The following TFEC variants were observed in gnomAD, a reference collection of about 807,000 sequenced individuals.
TFEC encodes the protein transcription factor EC, also known as class E basic helix-loop-helix protein 34.
A neutral mutation model predicts 41.6 loss-of-function variants in TFEC; 31 were observed. The ratio of observed to expected loss-of-function variants is 0.74; its 90% confidence interval spans 0.56 to 1.01. The LOEUF is 1.01. Ranked by LOEUF, TFEC falls within the 50% of genes least tolerant of loss-of-function variation. The pLI is 0.00. For missense variants in TFEC, 402 were observed against 404.1 expected (o/e 0.99, Z 0.04); for synonymous variants, 143 against 140.6 (o/e 1.02, Z -0.12).
intron 1 of TFEC, among the ~76,000 whole-genome samples, chr7:116,119,145 A>G (rs1282739570): frequency 1.3e-5 from 2 of 151,846 alleles, no homozygotes; most frequent in African/African-American, 4.8e-5. Context: ...TATATCCTTC[A>G]ATAAATTTAT....
At chr7:116,140,921 G>A (rs1034185202) in intron 1 of TFEC, among the ~76,000 whole-genome samples, 5 of 152,110 alleles carry the variant, frequency 3.3e-5, no homozygotes, top group African/African-American at 1.2e-4. Flanking sequence ...ATCTTTCTGG[G>A]CTGTCAACAA....
chr7:116,083,982 C>T (rs1459114143), intron 3 of TFEC, among the ~76,000 whole-genome samples: 5 of 152,038 alleles, frequency 3.3e-5, no homozygotes, highest in African/African-American at 7.2e-5. Context: ...GGGCCAATTA[C>T]GAACATTCTT....
intron 1 of TFEC, among the ~76,000 whole-genome samples, chr7:116,000,181 ACAT>A (rs1794533371): frequency 2.0e-5 from 3 of 152,278 alleles, no homozygotes; most frequent in Admixed American, 2.0e-4. Context: ...ATAATGTGAT[ACAT>A]CATATCAACA....
intron 3 of TFEC, among the ~76,000 whole-genome samples, chr7:116,052,796 G>A (rs1194330152): frequency 5.3e-5 from 8 of 151,314 alleles, no homozygotes; most frequent in Non-Finnish European, 7.4e-5. Flanking sequence ...GGGGCCGGGC[G>A]CAGTGGCTCA....
intron 1 of TFEC, among the ~76,000 whole-genome samples, chr7:116,018,121 T>C (rs1221396108): frequency 6.6e-6 from 1 of 152,222 alleles, no homozygotes; most frequent in Admixed American, 6.5e-5. Context: ...GCACATGTTT[T>C]ACATGTATTA....
intron 4 of TFEC, among the ~76,000 whole-genome samples, chr7:115,955,587 G>C (rs532460296): frequency 6.6e-6 from 1 of 152,030 alleles, no homozygotes; most frequent in Non-Finnish European, 1.5e-5. Context: ...CCTCATAAGA[G>C]ATTCTGGTCT....
At chr7:116,106,563 T>C (rs1319054827) in intron 3 of TFEC, among the ~76,000 whole-genome samples, 1 of 152,042 alleles carries the variant, frequency 6.6e-6, no homozygotes, top group Non-Finnish European at 1.5e-5. Flanking sequence ...TTGTATTTTG[T>C]TTTTAGTAGA....
chr7:116,156,099 G>A (rs1292873186), intron 1 of TFEC, among the ~76,000 whole-genome samples: 3 of 152,158 alleles, frequency 2.0e-5, no homozygotes, highest in African/African-American at 4.8e-5. Context: ...GATGCTGAAG[G>A]AGTCCTGGTT....
chr7:116,072,229 T>A (rs765842737), intron 3 of TFEC, among the ~76,000 whole-genome samples: 2 of 151,318 alleles, frequency 1.3e-5, no homozygotes, highest in Non-Finnish European at 3.0e-5. Context: ...TATAAGACCA[T>A]GCTATCTACA....
At chr7:116,067,282 G>A (rs959260838) in intron 3 of TFEC, among the ~76,000 whole-genome samples, 2 of 151,892 alleles carry the variant, frequency 1.3e-5, no homozygotes, top group Non-Finnish European at 1.5e-5. Context: ...ATTCATAGAC[G>A]TTTCCATGTC....
chr7:116,040,987 C>T (rs995103166), intron 3 of TFEC, among the ~76,000 whole-genome samples: 4 of 151,988 alleles, frequency 2.6e-5, no homozygotes, highest in African/African-American at 7.3e-5. Context: ...AAGTTTCTGC[C>T]GGGGAAATAT....
chr7:115,953,120 C>T (rs562182329), intron 5 of TFEC, among the ~76,000 whole-genome samples: 3 of 150,206 alleles, frequency 2.0e-5, no homozygotes, highest in Admixed American at 6.7e-5. Context: ...GGGTGTTCAC[C>T]GTCACATTTG....
chr7:116,112,216 G>A (rs1797870842), intron 1 of TFEC, among the ~76,000 whole-genome samples: 1 of 152,004 alleles, frequency 6.6e-6, no homozygotes, highest in Non-Finnish European at 1.5e-5. Context: ...CCAAAAGGCA[G>A]ATAGACAATA....
chr7:116,023,077 T>C (rs1463520267), intron 1 of TFEC, among the ~76,000 whole-genome samples: 1 of 143,522 alleles, frequency 7.0e-6, no homozygotes, highest in Non-Finnish European at 1.6e-5. Context: ...TTTCTGGTTC[T>C]TCCAGCAAAA....
At chr7:116,153,848 C>T (rs1219064796) in intron 1 of TFEC, among the ~76,000 whole-genome samples, 4 of 152,096 alleles carry the variant, frequency 2.6e-5, no homozygotes, top group African/African-American at 9.7e-5. Flanking sequence ...CAGAAAAAGA[C>T]TTAAAAAATT....
intron 1 of TFEC, among the ~76,000 whole-genome samples, chr7:116,145,628 A>G (rs1798626321): frequency 6.6e-6 from 1 of 152,184 alleles, no homozygotes; most frequent in Admixed American, 6.5e-5. Flanking sequence ...TGAGGGACCT[A>G]GGAGATATTA....
chr7:115,973,269 G>A (rs1448846805), intron 3 of TFEC, among the ~76,000 whole-genome samples: 1 of 151,800 alleles, frequency 6.6e-6, no homozygotes, highest in Non-Finnish European at 1.5e-5. Flanking sequence ...ACAGAAAAAA[G>A]GGATGCTTCC....
At position 116,115,152 on chromosome 7, in the gene TFEC, C is replaced by T. The variant is rs148019133; in HGVS notation, c.-68-3114G>A. Among the ~76,000 whole-genome samples, 653 of 152,080 alleles carry T rather than the reference C, an allele frequency of 4.3e-3. 1 individual carries two copies. Among genetic ancestry groups the T allele is most frequent in the African/African-American group, 0.015 (619 of 41,522 alleles). On this transcript the variant is annotated intron_variant, in intron 1 of 8. Coordinates refer to the TFEC transcript ENST00000484212. ...TTTTTCTATATATTGACTAGGAACA[C>T]GGAGCCTATAATACTCATCACAGAA...
At chr7:115,963,088 G>T (rs1336548335) in intron 3 of TFEC, among the ~76,000 whole-genome samples, 4 of 151,666 alleles carry the variant, frequency 2.6e-5, no homozygotes. Context: ...ACTTCTGAGT[G>T]AGAACATGCA....
Sources: allele counts gnomAD v4.1 joint callset (sites outside exome capture counted in the v4.1 genomes callset), GRCh38; gene constraint gnomAD v4.1.1; transcripts MANE v1.5; gene names NCBI Gene and HGNC (gene_info 2026-07-23, HGNC 2026-07-21).